GLRB: variants seen among roughly 807,000 people sequenced by gnomAD.
The protein encoded by GLRB is glycine receptor beta.
GLRB carries 33 observed loss-of-function variants against 54.2 expected under a neutral mutation model. That is an observed-to-expected ratio of 0.61 (90% CI 0.46 to 0.81). GLRB has a LOEUF of 0.81. GLRB is among the 40% of genes least tolerant of loss of function. The pLI, the probability that GLRB is intolerant of heterozygous loss-of-function variation, is 0.00. For missense variants in GLRB, 572 were observed against 584.6 expected (o/e 0.98, Z 0.22); for synonymous variants, 209 against 208.2 (o/e 1.00, Z -0.03).
chr4:157,144,414 T>G (rs553833991), intron 8 of GLRB, among the ~76,000 whole-genome samples: 1 of 152,308 alleles, frequency 6.6e-6, no homozygotes, highest in Admixed American at 6.5e-5. Context: ...CATTGGTTAT[T>G]GTGTGCTATA....
intron 3 of GLRB, among the ~76,000 whole-genome samples, chr4:157,122,029 A>C (rs1211324377): frequency 6.6e-6 from 1 of 151,470 alleles, no homozygotes; most frequent in Admixed American, 6.6e-5. Flanking sequence ...GGGCAATTTA[A>C]AAAAAGATTT....
chr4:157,131,960 T>C (rs1355964251), intron 4 of GLRB, among the ~76,000 whole-genome samples: 1 of 151,860 alleles, frequency 6.6e-6, no homozygotes, highest in African/African-American at 2.4e-5. Context: ...ATGGTAAAAG[T>C]ATGTTTCGTT....
intron 7 of GLRB, among the ~76,000 whole-genome samples, chr4:157,140,529 C>T (rs1011070776): frequency 3.3e-5 from 5 of 151,842 alleles, no homozygotes; most frequent in African/African-American, 9.7e-5. Flanking sequence ...TTTGATCTCT[C>T]GCTATACTAG....
In GLRB at chr4:157,077,979, C is replaced by A; in HGVS notation, c.-29-17C>A. Reference sequence around the variant, plus strand: ...TTTTCTTCATAAATGTAAACATTTTCTTGTTCTCTCTTGTAGATCGATCTT... The same window carrying A: ...TTTTCTTCATAAATGTAAACATTTTATTGTTCTCTCTTGTAGATCGATCTT... On this transcript the variant is annotated splice_polypyrimidine_tract_variant and intron_variant, in intron 1 of 9. Transcript: ENST00000264428. 1.3e-6 allele frequency: 2 copies of A among 1,534,924 alleles called. No homozygotes were observed. Among genetic ancestry groups the A allele is most frequent in the Non-Finnish European group, 1.8e-6 (2 of 1,113,280 alleles).
At chr4:157,130,213 G>C (rs930205177) in intron 4 of GLRB, among the ~76,000 whole-genome samples, 2 of 151,548 alleles carry the variant, frequency 1.3e-5, no homozygotes, top group African/African-American at 2.4e-5. Context: ...ATACACCACT[G>C]TATCGAAAAT....
intron 2 of GLRB, among the ~76,000 whole-genome samples, chr4:157,105,517 A>AT (rs200134907): frequency 6.6e-5 from 10 of 150,948 alleles, no homozygotes; most frequent in Admixed American, 1.3e-4. Context: ...AATGTTCTGT[A>AT]TTTTTTTTTA....
intron 2 of GLRB, among the ~76,000 whole-genome samples, chr4:157,098,322 A>G (rs1734888105): frequency 6.6e-6 from 1 of 152,188 alleles, no homozygotes; most frequent in African/African-American, 2.4e-5. Flanking sequence ...TCAAATGAAA[A>G]GACAAATCCA....
At position 157,120,675 on chromosome 4, in the gene GLRB, C is replaced by T. The variant is rs775852759; in HGVS notation, c.229+13C>T. ...CCAAACTTCAAAGGTTTGTCTCCCC[C>T]ATATAAATGTTCATTTTTATTGTTT... On this transcript the variant is annotated intron_variant, in intron 3 of 9. Coordinates refer to ENST00000264428, the MANE Select transcript of GLRB (RefSeq NM_000824.5). 2 of 1,186,878 alleles carry T rather than the reference C, an allele frequency of 1.7e-6. No individual in the cohort carries two copies. The highest frequency in any genetic ancestry group is 2.4e-5 in the South Asian group (2 of 82,162). The allele number at this position is 1,186,878 out of a possible 1,614,324, so 73.5% of individuals were successfully genotyped here.
intron 2 of GLRB, among the ~76,000 whole-genome samples, chr4:157,114,551 A>G (rs1325400337): frequency 2.0e-5 from 3 of 151,242 alleles, no homozygotes; most frequent in African/African-American, 7.3e-5. Flanking sequence ...CTTTATTCAG[A>G]CCTCTTTGGT....
At chr4:157,118,679 CA>C (rs1399208668) in intron 2 of GLRB, among the ~76,000 whole-genome samples, 5 of 151,534 alleles carry the variant, frequency 3.3e-5, no homozygotes, top group South Asian at 2.1e-4. Context: ...TTATGTCATA[CA>C]TTTTTTTCTG....
rs1737930328 is a variant in GLRB at position 157,171,723 on chromosome 4, TTA to T, written c.*997_*998del. On this transcript the variant is annotated 3_prime_UTR_variant, in exon 10 of 10. Coordinates refer to ENST00000264428, the MANE Select transcript of GLRB (RefSeq NM_000824.5). ...AAAAATGTTTACTGAATTTATTTTT[TTA>T]TTTGAATATTTTGGGATTAGTTACA... 1 of 152,076 alleles carries T rather than the reference TTA, an allele frequency of 6.6e-6. No homozygotes were observed. The highest frequency in any genetic ancestry group is 2.4e-5 in the African/African-American group (1 of 41,430). The allele number at this position is 152,076 out of a possible 1,614,324, so 9.4% of individuals were successfully genotyped here.
At chr4:157,089,419 A>G (rs965957240) in intron 2 of GLRB, among the ~76,000 whole-genome samples, 2 of 152,106 alleles carry the variant, frequency 1.3e-5, no homozygotes, top group Non-Finnish European at 2.9e-5. Context: ...AAATAAGTAA[A>G]TGAAGATACG....
intron 2 of GLRB, among the ~76,000 whole-genome samples, chr4:157,081,716 C>G (rs534275692): frequency 6.6e-6 from 1 of 152,276 alleles, no homozygotes; most frequent in South Asian, 2.1e-4. Flanking sequence ...TCTTCATTGA[C>G]TCCTTTTCAG....
intron 4 of GLRB, among the ~76,000 whole-genome samples, chr4:157,127,939 T>C (rs1247313292): frequency 6.6e-6 from 1 of 151,920 alleles, no homozygotes; most frequent in Non-Finnish European, 1.5e-5. Context: ...TTTGTTACAG[T>C]GGCAATTGGA....
chr4:157,169,023 A>G (rs1737820549), intron 9 of GLRB, among the ~76,000 whole-genome samples: 1 of 152,098 alleles, frequency 6.6e-6, no homozygotes, highest in African/African-American at 2.4e-5. Context: ...ATTCAGGTAA[A>G]GGATAGTCTC....
At chr4:157,160,927 T>A (rs1352257599) in intron 9 of GLRB, among the ~76,000 whole-genome samples, 1 of 152,108 alleles carries the variant, frequency 6.6e-6, no homozygotes, top group Non-Finnish European at 1.5e-5. Context: ...ATGTTGACAG[T>A]GGGGTGTTAA....
intron 2 of GLRB, among the ~76,000 whole-genome samples, chr4:157,087,920 G>T (rs1355702369): frequency 5.3e-5 from 8 of 152,086 alleles, no homozygotes; most frequent in East Asian, 1.9e-4. Flanking sequence ...GAGAGCTGAG[G>T]TCCCTTTATA....
intron 2 of GLRB, among the ~76,000 whole-genome samples, chr4:157,104,681 G>A (rs1735156207): frequency 6.6e-6 from 1 of 152,084 alleles, no homozygotes; most frequent in South Asian, 2.1e-4. Context: ...AAACCATCTG[G>A]TCCTAGGCTT....
At chr4:157,088,789 T>C (rs1162075753) in intron 2 of GLRB, among the ~76,000 whole-genome samples, 6 of 152,176 alleles carry the variant, frequency 3.9e-5, no homozygotes, top group South Asian at 2.1e-4. Context: ...TTTTCTTCGT[T>C]TCTTTGGCTC....
Sources: allele counts gnomAD v4.1 joint callset (sites outside exome capture counted in the v4.1 genomes callset), GRCh38; gene constraint gnomAD v4.1.1; transcripts MANE v1.5; gene names NCBI Gene and HGNC (gene_info 2026-07-23, HGNC 2026-07-21).